ST6GALNAC4: variants seen among roughly 807,000 people sequenced by gnomAD.
ST6GALNAC4 encodes the protein ST6 N-acetylgalactosaminide alpha-2,6-sialyltransferase 4.
Under a neutral mutation model 30.4 loss-of-function variants are expected in ST6GALNAC4, and 24 were observed. The observed-to-expected ratio is 0.79, with a 90% confidence interval of 0.57 to 1.11. The LOEUF is 1.11. Ranked by LOEUF, ST6GALNAC4 falls within the 50% of genes most tolerant of loss-of-function variation. The pLI, the probability that ST6GALNAC4 is intolerant of heterozygous loss-of-function variation, is 0.00. For missense variants in ST6GALNAC4, 365 were observed against 430.1 expected (o/e 0.85, Z 1.34); for synonymous variants, 156 against 179.7 (o/e 0.87, Z 1.05).
intron 2 of ST6GALNAC4, among the ~76,000 whole-genome samples, chr9:127,915,101 A>C (rs1831166215): frequency 6.7e-6 from 1 of 149,646 alleles, no homozygotes; most frequent in Non-Finnish European, 1.5e-5. Flanking sequence ...TGTGTAGTAC[A>C]AGGCCATACA....
intron 3 of ST6GALNAC4, 56 bp from the exon 4 acceptor site, chr9:127,912,736 C>T: frequency 6.2e-6 from 9 of 1,462,130 alleles, no homozygotes; most frequent in Non-Finnish European, 8.1e-6. Flanking sequence ...AGCTTACACC[C>T]CCTGCAGCTC....
chr9:127,916,708 T>G, intron 1 of ST6GALNAC4, 118 bp downstream of exon 1: 2 of 541,812 alleles, frequency 3.7e-6, no homozygotes, highest in East Asian at 3.1e-5. Flanking sequence ...GCCAACCCAA[T>G]TCCCAGTGCG....
At chr9:127,916,781 G>A (rs1263659275) in intron 1 of ST6GALNAC4, 45 bp downstream of exon 1, 2 of 389,606 alleles carry the variant, frequency 5.1e-6, no homozygotes, top group East Asian at 4.8e-5. Flanking sequence ...TCAGGTCTGG[G>A]GCAGAGAGAG....
Position 127,908,483 on chromosome 9 carries a change from G to A in ST6GALNAC4, c.818C>T (p.Ala273Val). 6.2e-7 allele frequency: 1 copy of A among 1,610,528 alleles called. No homozygotes were observed. The highest frequency in any genetic ancestry group is 8.5e-7 in the Non-Finnish European group (1 of 1,177,464). The stretch of plus-strand genomic sequence containing the variant: ...CGCCTTCTCAGTGATGAAGCGGTGG[G>A]CGCTTCGGGGCGCCTGCTCGTGTGC... ...YLAHEQAPRS[A>V]HRFITEKAVF... The change falls in exon 6 of 6, where the codon GCC (alanine) becomes GTC (valine). Residue 273 changes from alanine to valine, a missense_variant. Physicochemically the swap from Ala to Val is moderately conservative, Grantham distance 64 (BLOSUM62 0). Coordinates refer to ENST00000335791, the MANE Select transcript of ST6GALNAC4 (RefSeq NM_175039.4).
intron 5 of ST6GALNAC4, among the ~76,000 whole-genome samples, chr9:127,909,277 G>A (rs532949524): frequency 2.6e-5 from 4 of 151,250 alleles, no homozygotes; most frequent in African/African-American, 4.9e-5. Context: ...TAATCCCAGC[G>A]ACTAGGGAGG....
At chr9:127,910,148 CG>C in intron 4 of ST6GALNAC4, 90 bp from the exon 5 acceptor site, 1 of 1,438,844 alleles carries the variant, frequency 7.0e-7, no homozygotes, top group Non-Finnish European at 9.3e-7. Context: ...TTTGCCAGCC[CG>C]GGGCTATGCA....
At position 127,912,515 on chromosome 9, in the gene ST6GALNAC4, G is replaced by A. The variant is rs147896939; in HGVS notation, c.364C>T (p.Arg122Cys). ...EADVGQRSTL[R>C]VVSHTSVPLL... is the part of the protein sequence containing the mutation. ...GGCACGCTTGTGTGTGAGACGACAC[G>A]CAGGGTGCTGCGCTGGCCCACATCC... The change falls in exon 4 of 6, where the codon CGT becomes TGT. Residue 122 changes from arginine to cysteine, a missense_variant. Physicochemically the swap from Arg to Cys is radical, Grantham distance 180. Coordinates refer to ENST00000335791, the MANE Select transcript of ST6GALNAC4 (RefSeq NM_175039.4). The A allele has an allele frequency of 5.0e-6, 8 of 1,613,716 alleles. No individual in the cohort carries two copies. The African/African-American group carries it at 5.3e-5, about 11-fold the overall frequency.
At chr9:127,915,009 C>T in intron 2 of ST6GALNAC4, 168 bp from the exon 3 acceptor site, 3 of 536,946 alleles carry the variant, frequency 5.6e-6, no homozygotes, top group Non-Finnish European at 6.2e-6. Context: ...CTGGGGATGC[C>T]AAGCTCTGGG....
intron 2 of ST6GALNAC4, 86 bp from the exon 3 acceptor site, chr9:127,914,927 T>C: frequency 7.9e-7 from 1 of 1,264,416 alleles, no homozygotes; most frequent in South Asian, 1.8e-5. Flanking sequence ...CTCCTGGGTC[T>C]AGAGAAGCTC....
chr9:127,916,409 G>A lies in ST6GALNAC4; in HGVS notation c.11C>T (p.Pro4Leu), dbSNP rs1456227243. 1.2e-6 allele frequency: 2 copies of A among 1,614,160 alleles called. No individual in the cohort carries two copies. Among genetic ancestry groups the A allele is most frequent in the Non-Finnish European group, 1.7e-6 (2 of 1,180,046 alleles). MKA[P>L]GRLVLIILCS... ...GAAGTCCTCCTTCTTCCCACTTACC[G>A]GAGCCTTCATGCTGTCGCTGTCCCT... The change falls in exon 2 of 6, where the codon CCG becomes CTG. Residue 4 changes from proline to leucine, a missense_variant and splice_region_variant. Pro to Leu is a moderately conservative substitution (Grantham distance 98). Transcript: ENST00000335791.
intron 4 of ST6GALNAC4, among the ~76,000 whole-genome samples, chr9:127,911,556 T>A (rs1051416492): frequency 2.0e-5 from 3 of 152,210 alleles, no homozygotes; most frequent in African/African-American, 7.2e-5. Context: ...CGATCTTGGC[T>A]CACTGCAACC....
chr9:127,914,914 G>A lies in ST6GALNAC4; in HGVS notation c.13-73C>T, dbSNP rs1831163156. On this transcript the variant is annotated intron_variant, in intron 2 of 5. Coordinates refer to ENST00000335791, the MANE Select transcript of ST6GALNAC4 (RefSeq NM_175039.4). ...CAGAAGCCCCTTCAGCGCTGCACCT[G>A]GCCTCCTGGGTCTAGAGAAGCTCCT... 3.0e-6 allele frequency: 4 copies of A among 1,345,898 alleles called. No individual in the cohort carries two copies. In the African/African-American group the frequency reaches 4.5e-5, roughly 15 times the overall value. 83.4% of individuals were successfully genotyped at this position (1,345,898 alleles called of 1,614,324 possible).
intron 5 of ST6GALNAC4, among the ~76,000 whole-genome samples, chr9:127,908,872 G>A (rs1018642613): frequency 3.9e-5 from 6 of 152,160 alleles, no homozygotes; most frequent in African/African-American, 1.4e-4. Context: ...GAACAAGTGC[G>A]TAGATCAAGA....
At position 127,914,799 on chromosome 9, in the gene ST6GALNAC4, C is replaced by A; in HGVS notation, c.55G>T (p.Ala19Ser). The change falls in exon 3 of 6, where the codon GCC (alanine) becomes TCC (serine). Residue 19 changes from alanine (A) to serine (S), a missense_variant. Physicochemically the swap from Ala to Ser is moderately conservative, Grantham distance 99. Transcript: ENST00000335791. ...LIILCSVVFS[A>S]VYILLCCWAG... Reference sequence around the variant, plus strand: ...CAGCAGCACAGGAGGATGTAGACGGCAGAGAAGACCACGGAGCACAGGATG... The same window carrying A: ...CAGCAGCACAGGAGGATGTAGACGGAAGAGAAGACCACGGAGCACAGGATG... 2 of 1,583,276 alleles carry A rather than the reference C, an allele frequency of 1.3e-6. No individual in the cohort carries two copies. The highest frequency in any genetic ancestry group is 1.7e-6 in the Non-Finnish European group (2 of 1,163,354).
intron 4 of ST6GALNAC4, among the ~76,000 whole-genome samples, chr9:127,910,728 T>C (rs1055847017): frequency 6.6e-6 from 1 of 152,066 alleles, no homozygotes; most frequent in Non-Finnish European, 1.5e-5. Flanking sequence ...TATGAACTGG[T>C]TCATTCATTC....
At chr9:127,914,418 T>C (rs972107982) in intron 3 of ST6GALNAC4, among the ~76,000 whole-genome samples, 1 of 135,728 alleles carries the variant, frequency 7.4e-6, no homozygotes, top group Admixed American at 8.7e-5. Flanking sequence ...AAATCTCTTT[T>C]TAGAATCTAG....
At position 127,912,337 on chromosome 9, in the gene ST6GALNAC4, A is replaced by G. The variant is rs1215487813; in HGVS notation, c.542T>C (p.Val181Ala). The part of the protein sequence containing the change: ...QLTRMYPGLQ[V>A]YTFTERMMAY... ...CATCATGCGCTCCGTGAAGGTGTAC[A>G]CCTGCAGGCCGGGGTACATCCTGGT... The change falls in exon 4 of 6, where the codon GTG (valine) becomes GCG (alanine). Residue 181 changes from valine to alanine, a missense_variant. Physicochemically the swap from Val to Ala is moderately conservative, Grantham distance 64. Transcript: ENST00000335791. The G allele has an allele frequency of 6.2e-7, 1 of 1,613,958 alleles. No individual in the cohort carries two copies. The highest frequency in any genetic ancestry group is 8.5e-7 in the Non-Finnish European group (1 of 1,180,030).
chr9:127,910,859 CA>C (rs1831060514), intron 4 of ST6GALNAC4, among the ~76,000 whole-genome samples: 1 of 152,174 alleles, frequency 6.6e-6, no homozygotes, highest in African/African-American at 2.4e-5. Context: ...AGCTAGGAGA[CA>C]AATCTCTAAG....
chr9:127,912,449 G>T lies in ST6GALNAC4; in HGVS notation c.430C>A (p.Arg144=). 6.2e-7 allele frequency: 1 copy of T among 1,614,086 alleles called. No homozygotes were observed. Among genetic ancestry groups the T allele is most frequent in the Non-Finnish European group, 8.5e-7 (1 of 1,179,978 alleles). Residue 144 remains arginine, a synonymous_variant, in exon 4 of 6, where the codon CGA becomes AGA. Coordinates refer to ENST00000335791, the MANE Select transcript of ST6GALNAC4 (RefSeq NM_175039.4). ...CCCCACACCATGTAGAGCGTGTCTC[G>T]GGCCTTCTGGAAGTAGTGTGAATAG... ...RNYSHYFQKA[R]DTLYMVWGQG...
Sources: gnomAD v4.1 joint callset for allele counts (sites outside exome capture counted in the v4.1 genomes callset) on GRCh38, gnomAD v4.1.1 for gene constraint, MANE v1.5 for transcripts, NCBI Gene and HGNC (gene_info 2026-07-23, HGNC 2026-07-21) for gene names.